Variants in TAFA4 observed in about 807,000 individuals in gnomAD.
The protein encoded by TAFA4 is TAFA chemokine like family member 4.
A neutral mutation model predicts 21.1 loss-of-function variants in TAFA4; 20 were observed. The observed-to-expected ratio is 0.95, with a 90% CI of 0.67 to 1.38. The LOEUF (loss-of-function observed/expected upper bound fraction) is 1.38. TAFA4 is among the 40% of genes most tolerant of loss of function. TAFA4 has a pLI of 0.00. For missense variants in TAFA4, 211 were observed against 180.9 expected, an observed-to-expected ratio of 1.17 and a Z score of -0.95; for synonymous variants, 71 against 67.4, an observed-to-expected ratio of 1.05 and a Z score of -0.26.
intron 3 of TAFA4, among the ~76,000 whole-genome samples, chr3:68,766,613 A>G (rs1442841685): frequency 2.0e-5 from 3 of 152,164 alleles, no homozygotes; most frequent in African/African-American, 4.8e-5. Context: ...GAAAGCAAAC[A>G]GAAAATACTT....
intron 3 of TAFA4, among the ~76,000 whole-genome samples, chr3:68,848,105 A>G (rs982683157): frequency 6.6e-6 from 1 of 152,218 alleles, no homozygotes; most frequent in Admixed American, 6.5e-5. Flanking sequence ...TCTTCATTTT[A>G]TAGTTGAGGA....
chr3:68,909,477 A>G (rs2089935988), intron 1 of TAFA4, among the ~76,000 whole-genome samples: 1 of 152,176 alleles, frequency 6.6e-6, no homozygotes, highest in Admixed American at 6.5e-5. Flanking sequence ...TGAATGGCTC[A>G]ATCAACCCAT....
At chr3:68,839,037 T>A (rs1366896405) in intron 3 of TAFA4, among the ~76,000 whole-genome samples, 2 of 152,064 alleles carry the variant, frequency 1.3e-5, no homozygotes, top group Non-Finnish European at 2.9e-5. Flanking sequence ...GGTGGAGGCT[T>A]CAATGAGCCA....
At chr3:68,781,484 T>G (rs539812229) in intron 3 of TAFA4, among the ~76,000 whole-genome samples, 27 of 152,064 alleles carry the variant, frequency 1.8e-4, no homozygotes, top group African/African-American at 6.5e-4. Context: ...GGAAAAATGG[T>G]ATATTATGAG....
intron 5 of TAFA4, among the ~76,000 whole-genome samples, chr3:68,733,896 G>C (rs183888325): frequency 6.6e-6 from 1 of 152,124 alleles, no homozygotes; most frequent in Non-Finnish European, 1.5e-5. Context: ...TGGCCTTTAT[G>C]TACTCAACAG....
intron 3 of TAFA4, among the ~76,000 whole-genome samples, chr3:68,758,476 C>A (rs1702700797): frequency 6.6e-6 from 1 of 152,190 alleles, no homozygotes; most frequent in African/African-American, 2.4e-5. Context: ...CCTGCACACA[C>A]TCTTGCCTGC....
chr3:68,799,091 T>C (rs1418792630), intron 3 of TAFA4, among the ~76,000 whole-genome samples: 1 of 152,200 alleles, frequency 6.6e-6, no homozygotes, highest in South Asian at 2.1e-4. Context: ...GAGTTTGTGG[T>C]AGACAGAATA....
chr3:68,767,144 T>G (rs1024964040), intron 3 of TAFA4, among the ~76,000 whole-genome samples: 1 of 152,294 alleles, frequency 6.6e-6, no homozygotes, highest in East Asian at 1.9e-4. Context: ...GTCTAAGATT[T>G]TAGTGCACCT....
chr3:68,922,963 C>T (rs1158610558), intron 1 of TAFA4, among the ~76,000 whole-genome samples: 1 of 152,158 alleles, frequency 6.6e-6, no homozygotes, highest in East Asian at 1.9e-4. Flanking sequence ...TCTGCTCCCC[C>T]AACTCACCCA....
At chr3:68,917,172 G>C (rs1190346328) in intron 1 of TAFA4, among the ~76,000 whole-genome samples, 1 of 152,150 alleles carries the variant, frequency 6.6e-6, no homozygotes, top group Non-Finnish European at 1.5e-5. Context: ...GAAACTTCCA[G>C]AAGATTCCAC....
intron 4 of TAFA4, among the ~76,000 whole-genome samples, chr3:68,746,425 A>G (rs1702459194): frequency 6.6e-6 from 1 of 152,242 alleles, no homozygotes; most frequent in Non-Finnish European, 1.5e-5. Context: ...GTATGTTTCT[A>G]CTGCAACTAT....
chr3:68,884,141 GAA>G (rs1202765585), intron 2 of TAFA4, among the ~76,000 whole-genome samples: 6 of 150,100 alleles, frequency 4.0e-5, no homozygotes, highest in African/African-American at 1.3e-4. Context: ...TTAAATATAT[GAA>G]TTATATGACA....
At chr3:68,850,390 A>G (rs573295090) in intron 3 of TAFA4, among the ~76,000 whole-genome samples, 1 of 152,320 alleles carries the variant, frequency 6.6e-6, no homozygotes, top group South Asian at 2.1e-4. Context: ...GTGAGGGACA[A>G]AACAGACAAT....
chr3:68,842,419 G>A lies in TAFA4; in HGVS notation c.130+38311C>T, dbSNP rs182105207. ...GTTTTATTCTTGTAAATTTGTTTAA[G>A]CTCTTTGTGGATTCTGGATATTAGC... On this transcript the variant is annotated intron_variant, in intron 3 of 5. Coordinates refer to ENST00000295569, the MANE Select transcript of TAFA4 (RefSeq NM_182522.5). 1.8e-3 allele frequency among the ~76,000 whole-genome samples: 278 copies of A among 152,208 alleles called. 1 individual carries two copies. The Middle Eastern group carries it at 0.031, about 17-fold the overall frequency.
intron 1 of TAFA4, 91 bp from the exon 2 acceptor site, chr3:68,885,401 T>C (rs1266865616): frequency 1.8e-6 from 1 of 558,784 alleles, no homozygotes. Flanking sequence ...TAATGGTTTT[T>C]AACCATGACA....
In TAFA4 at chr3:68,773,956, T is replaced by C. The variant is rs548336053; in HGVS notation, c.131-20938A>G. On this transcript the variant is annotated intron_variant, in intron 3 of 5. Coordinates refer to ENST00000295569, the MANE Select transcript of TAFA4 (RefSeq NM_182522.5). ...ATCAGAACCGTATTGTCAACATGTT[T>C]GTCCAAAGAGTAGTTTTCATTCAGA... Among the ~76,000 whole-genome samples the C allele has an allele frequency of 7.3e-4, 111 of 152,306 alleles. 4 individuals carry two copies. The South Asian group carries it at 0.022, about 31-fold the overall frequency.
chr3:68,740,894 GA>G (rs1464566468), intron 4 of TAFA4, among the ~76,000 whole-genome samples: 14 of 152,106 alleles, frequency 9.2e-5, no homozygotes, highest in Admixed American at 3.9e-4. Flanking sequence ...ACCCTTTATT[GA>G]AGAGACTATC....
intron 1 of TAFA4, among the ~76,000 whole-genome samples, chr3:68,931,797 G>A (rs1352089531): frequency 1.3e-5 from 2 of 152,024 alleles, no homozygotes; most frequent in Non-Finnish European, 2.9e-5. Flanking sequence ...GACGCTGACC[G>A]GCTCCCACCT....
chr3:68,827,735 T>G (rs999997100), intron 3 of TAFA4, among the ~76,000 whole-genome samples: 7 of 152,210 alleles, frequency 4.6e-5, no homozygotes, highest in African/African-American at 1.7e-4. Context: ...ACGGGGTTGT[T>G]TTTTTCTTTT....
Sources: gnomAD v4.1 joint callset for allele counts (sites outside exome capture counted in the v4.1 genomes callset) on GRCh38, gnomAD v4.1.1 for gene constraint, MANE v1.5 for transcripts, NCBI Gene and HGNC (gene_info 2026-07-23, HGNC 2026-07-21) for gene names.